The following CNTNAP5 variants were observed in gnomAD, a reference collection of about 807,000 sequenced individuals.
CNTNAP5 encodes contactin-associated protein-like 5.
CNTNAP5 carries 72 observed loss-of-function variants against 150.2 expected under a neutral mutation model. That is an observed-to-expected ratio of 0.48 (90% CI 0.40 to 0.58). The LOEUF is 0.58. Ranked by LOEUF, CNTNAP5 falls within the 20% of genes least tolerant of loss-of-function variation. CNTNAP5 has a pLI of 0.00. For missense variants in CNTNAP5, 1,636 were observed against 1,626.2 expected, an observed-to-expected ratio of 1.01 and a Z score of -0.10; for synonymous variants, 672 against 619.8, an observed-to-expected ratio of 1.08 and a Z score of -1.25.
intron 3 of CNTNAP5, among the ~76,000 whole-genome samples, chr2:124,386,260 A>G (rs1690924665): frequency 6.6e-6 from 1 of 152,214 alleles, no homozygotes; most frequent in South Asian, 2.1e-4. Flanking sequence ...GCCAGTAAAG[A>G]GATACTATTC....
chr2:124,201,886 T>A (rs930782072), intron 1 of CNTNAP5, among the ~76,000 whole-genome samples: 4 of 152,208 alleles, frequency 2.6e-5, no homozygotes, highest in African/African-American at 9.7e-5. Context: ...TTCATCTTAG[T>A]ATCAACATTG....
rs1217757579 is a variant in CNTNAP5 at position 124,911,522 on chromosome 2, T to C, written c.3711T>C (p.Asp1237=). The change falls in exon 23 of 24, where the codon GAT becomes GAC. Residue 1237 remains aspartate, a synonymous_variant. Transcript: ENST00000682447. ...REPLTNAVRS[D]SAVIGGVIAV... is the part of the protein sequence containing the mutation. The stretch of plus-strand genomic sequence containing the variant: ...CACTCACAAATGCTGTTCGAAGTGA[T>C]TCGGCAGTCATCGGAGGTAAACAAT... The C allele has an allele frequency of 6.2e-7, 1 of 1,600,738 alleles. No homozygotes were observed. The highest frequency in any genetic ancestry group is 1.3e-5 in the African/African-American group (1 of 74,828).
chr2:124,494,310 G>A (rs971183648), intron 7 of CNTNAP5, among the ~76,000 whole-genome samples: 1 of 152,122 alleles, frequency 6.6e-6, no homozygotes, highest in Non-Finnish European at 1.5e-5. Flanking sequence ...GTGCACCAGT[G>A]TAAGACCTAG....
intron 13 of CNTNAP5, among the ~76,000 whole-genome samples, chr2:124,746,149 G>A (rs906459936): frequency 2.0e-5 from 3 of 152,132 alleles, no homozygotes; most frequent in African/African-American, 7.2e-5. Context: ...CACATGTTAA[G>A]CACCTGTTGT....
chr2:124,670,133 T>TTTCCTTCCTTCCTTCC (rs796656346), intron 13 of CNTNAP5, among the ~76,000 whole-genome samples: 3,109 of 112,520 alleles, frequency 0.028, 104 homozygotes, highest in East Asian at 0.047. Context: ...TCCTTCCTTC[T>TTTCCTTCCTTCCTTCC]TTCCTTCCTT....
intron 5 of CNTNAP5, among the ~76,000 whole-genome samples, chr2:124,442,285 G>C (rs1692694566): frequency 2.0e-5 from 3 of 152,142 alleles, no homozygotes; most frequent in Non-Finnish European, 4.4e-5. Flanking sequence ...GTGGATGCAA[G>C]AAGGGTACAG....
chr2:124,461,884 T>A (rs1415850334), intron 6 of CNTNAP5, among the ~76,000 whole-genome samples: 1 of 130,796 alleles, frequency 7.6e-6, no homozygotes, highest in African/African-American at 2.8e-5. Context: ...AAAAAAAAAG[T>A]CGTTTTTTAT....
chr2:124,717,241 A>G (rs1050132274), intron 13 of CNTNAP5, among the ~76,000 whole-genome samples: 1 of 152,160 alleles, frequency 6.6e-6, no homozygotes, highest in African/African-American at 2.4e-5. Context: ...GTGTTGGGCC[A>G]TGATGAAGAT....
Position 124,617,911 on chromosome 2 carries a change from G to A in CNTNAP5, c.1876+7991G>A, listed in dbSNP as rs541182049. Among the ~76,000 whole-genome samples, 3 of 152,198 alleles carry A rather than the reference G, an allele frequency of 2.0e-5. No individual in the cohort carries two copies. The South Asian group carries it at 6.2e-4, about 32-fold the overall frequency. On this transcript the variant is annotated intron_variant, in intron 12 of 23. Transcript: ENST00000682447. ...TAATGCCTCTGAAACCTGAATAGGAGTAGAAGCTGGTCAAGAGCTGCAGGA... is the reference window on the plus strand; with the variant it reads ...TAATGCCTCTGAAACCTGAATAGGAATAGAAGCTGGTCAAGAGCTGCAGGA...
intron 1 of CNTNAP5, among the ~76,000 whole-genome samples, chr2:124,200,873 C>T (rs1685712310): frequency 6.6e-6 from 1 of 152,114 alleles, no homozygotes. Flanking sequence ...AGTTTTCCAT[C>T]CCCTCTTATA....
intron 21 of CNTNAP5, among the ~76,000 whole-genome samples, chr2:124,879,796 A>G (rs1677930922): frequency 6.6e-6 from 1 of 152,052 alleles, no homozygotes; most frequent in Non-Finnish European, 1.5e-5. Context: ...TGGCTCTGCT[A>G]TTGATTTGTT....
chr2:124,027,428 TG>T (rs1477478128), intron 1 of CNTNAP5, among the ~76,000 whole-genome samples: 1 of 152,088 alleles, frequency 6.6e-6, no homozygotes, highest in Non-Finnish European at 1.5e-5. Context: ...GCCACAAAGG[TG>T]GGGGTGAGAG....
At chr2:124,362,432 A>T (rs192957940) in intron 3 of CNTNAP5, among the ~76,000 whole-genome samples, 21 of 152,322 alleles carry the variant, frequency 1.4e-4, no homozygotes, top group Admixed American at 3.3e-4. Flanking sequence ...ATCCTATCTC[A>T]CTGTCTAGCA....
chr2:124,173,299 G>T (rs1583717), intron 1 of CNTNAP5, among the ~76,000 whole-genome samples: 16,165 of 152,200 alleles, frequency 0.11, 1,173 homozygotes, highest in East Asian at 0.34. Context: ...GTGAAAGGAA[G>T]ATTTGCACCT....
intron 6 of CNTNAP5, among the ~76,000 whole-genome samples, chr2:124,471,123 T>C (rs1417835608): frequency 1.3e-5 from 2 of 152,198 alleles, no homozygotes; most frequent in Non-Finnish European, 2.9e-5. Context: ...CAGTGGTAGT[T>C]TAACAGGAAT....
chr2:124,575,044 T>A (rs1696248588), intron 11 of CNTNAP5, among the ~76,000 whole-genome samples: 1 of 152,062 alleles, frequency 6.6e-6, no homozygotes, highest in Non-Finnish European at 1.5e-5. Context: ...TTCTTATAGA[T>A]TTCTTCTCAT....
chr2:124,847,908 T>A (rs1027631920), intron 19 of CNTNAP5, among the ~76,000 whole-genome samples: 3 of 152,216 alleles, frequency 2.0e-5, no homozygotes, highest in African/African-American at 7.2e-5. Flanking sequence ...AATTTATAAT[T>A]TTTAAGCATA....
chr2:124,222,120 A>T (rs1485901532), intron 2 of CNTNAP5, among the ~76,000 whole-genome samples: 7 of 152,156 alleles, frequency 4.6e-5, no homozygotes, highest in Non-Finnish European at 8.8e-5. Flanking sequence ...ATAAATAGAT[A>T]TAAAACATGT....
chr2:124,158,424 G>C (rs1257195717), intron 1 of CNTNAP5, among the ~76,000 whole-genome samples: 1 of 152,122 alleles, frequency 6.6e-6, no homozygotes, highest in Non-Finnish European at 1.5e-5. Flanking sequence ...TCCTATCTGA[G>C]TGACTTATAG....
Sources: allele counts gnomAD v4.1 joint callset (sites outside exome capture counted in the v4.1 genomes callset), GRCh38; gene constraint gnomAD v4.1.1; transcripts MANE v1.5; gene names NCBI Gene and HGNC (gene_info 2026-07-23, HGNC 2026-07-21).